The following SCAF11 variants were observed in gnomAD, a reference collection of about 807,000 sequenced individuals.
SCAF11 encodes the protein SR-related CTD associated factor 11.
In SCAF11, 47 loss-of-function variants were observed where a neutral mutation model predicts 140.5. The observed-to-expected ratio is 0.33, with a 90% CI of 0.26 to 0.43. The LOEUF (loss-of-function observed/expected upper bound fraction) is 0.43, where lower values mean the gene tolerates loss of function less well. SCAF11 is among the 20% of genes least tolerant of loss of function. SCAF11 has a pLI of 1.00. For missense variants in SCAF11, 1,645 were observed against 1,705.1 expected (o/e 0.96, Z 0.62); for synonymous variants, 557 against 579.4 (o/e 0.96, Z 0.55).
In SCAF11 at chr12:45,938,713, C is replaced by T. The variant is rs749012969; in HGVS notation, c.464-4208G>A. Among the ~76,000 whole-genome samples, 15 of 151,156 alleles carry T rather than the reference C, an allele frequency of 9.9e-5. No homozygotes were observed. In the South Asian group the frequency reaches 1.0e-3, roughly 11 times the overall value. ...TGTTTCATGAAAACATCCTTTTGTA[C>T]GATACAAACAAGTATAATAAAGGCT... On this transcript the variant is annotated intron_variant, in intron 6 of 14. Coordinates refer to ENST00000369367, the MANE Select transcript of SCAF11 (RefSeq NM_004719.3).
At chr12:45,936,147 GT>G (rs1414313412) in intron 6 of SCAF11, among the ~76,000 whole-genome samples, 63 of 140,324 alleles carry the variant, frequency 4.5e-4, no homozygotes, top group Non-Finnish European at 4.9e-4. Flanking sequence ...GGTTTTTTTT[GT>G]TTTTTTTTTT....
At chr12:45,923,222 T>C (rs1592160811) in intron 12 of SCAF11, 68 bp from the exon 13 acceptor site, 25 of 1,333,874 alleles carry the variant, frequency 1.9e-5, no homozygotes, top group Non-Finnish European at 2.6e-5. Flanking sequence ...AGTGATGCAT[T>C]AGAAATAACA....
At chr12:45,973,293 A>G in intron 1 of SCAF11, among the ~76,000 whole-genome samples, 1 of 151,746 alleles carries the variant, frequency 6.6e-6, no homozygotes, top group East Asian at 1.9e-4. Flanking sequence ...AAAAAAAAAT[A>G]TTAAAGGCTT....
At chr12:45,961,896 C>T in intron 2 of SCAF11, 39 bp from the exon 3 acceptor site, 1 of 1,534,416 alleles carries the variant, frequency 6.5e-7, no homozygotes. Context: ...TTCAAGTTCT[C>T]CAGACCAAAA....
At position 45,990,518 on chromosome 12, in the gene SCAF11, C is replaced by T; in HGVS notation, c.-187G>A. 8.1e-7 allele frequency: 1 copy of T among 1,231,920 alleles called. No homozygotes were observed. Among genetic ancestry groups the T allele is most frequent in the Non-Finnish European group, 1.0e-6 (1 of 988,194 alleles). 76.3% of individuals were successfully genotyped at this position (1,231,920 alleles called of 1,614,324 possible). On this transcript the variant is annotated 5_prime_UTR_variant, in exon 1 of 15. Transcript: ENST00000369367. ...CGCTGGCTCGGTCCGGAGGCGGCGG[C>T]GAAGCAGGGAGCGACCCAGGTTGCG...
chr12:45,945,106 A>G (rs1254840547), intron 6 of SCAF11, 143 bp downstream of exon 6: 1 of 624,614 alleles, frequency 1.6e-6, no homozygotes, highest in Non-Finnish European at 2.8e-6. Context: ...TGAAAACAAA[A>G]TTTATGTAGG....
chr12:45,953,922 C>A, intron 3 of SCAF11: 3 of 906,128 alleles, frequency 3.3e-6, no homozygotes, highest in South Asian at 2.0e-5. Context: ...GTTTTAGTAA[C>A]AAAAAAACTT....
Position 45,961,700 on chromosome 12 carries a change from C to T in SCAF11, c.219G>A (p.Glu73=). 6.2e-7 allele frequency: 1 copy of T among 1,608,818 alleles called. No individual in the cohort carries two copies. The change falls in exon 3 of 15, where the codon GAG becomes GAA. Residue 73 remains glutamate (E), a splice_region_variant and synonymous_variant. Transcript: ENST00000369367. ...FCMTCILKWA[E]TLASCPIDRK... ...AAATACATTAATGTGTCAGACTTACCTCTGCCCATTTAAGAATACAAGTCA... is the reference window on the plus strand; with the variant it reads ...AAATACATTAATGTGTCAGACTTACTTCTGCCCATTTAAGAATACAAGTCA...
chr12:45,978,092 G>A (rs748567044), intron 1 of SCAF11, among the ~76,000 whole-genome samples: 1 of 152,128 alleles, frequency 6.6e-6, no homozygotes, highest in Non-Finnish European at 1.5e-5. Context: ...TGCCTTTTAT[G>A]TGCCTGGATA....
At chr12:45,972,106 C>T (rs1946086609) in intron 1 of SCAF11, among the ~76,000 whole-genome samples, 1 of 152,104 alleles carries the variant, frequency 6.6e-6, no homozygotes, top group African/African-American at 2.4e-5. Flanking sequence ...ACTCTGAAAA[C>T]TGAAATATAA....
intron 1 of SCAF11, among the ~76,000 whole-genome samples, chr12:45,970,561 G>A (rs1946049638): frequency 6.6e-6 from 1 of 152,194 alleles, no homozygotes; most frequent in Non-Finnish European, 1.5e-5. Context: ...CTTATGCCAA[G>A]GGCATACCAG....
intron 4 of SCAF11, 82 bp downstream of exon 4, chr12:45,951,568 A>G: frequency 1.1e-6 from 1 of 905,020 alleles, no homozygotes; most frequent in East Asian, 2.5e-5. Context: ...AACAATTTTC[A>G]AATATACACA....
At chr12:45,948,315 G>GT (rs1433062609) in intron 5 of SCAF11, 122 bp downstream of exon 5, 1 of 639,384 alleles carries the variant, frequency 1.6e-6, no homozygotes, top group African/African-American at 1.9e-5. Context: ...ATTATCAAGT[G>GT]TGTGCTTTTG....
At chr12:45,988,176 A>G (rs1946504537) in intron 1 of SCAF11, among the ~76,000 whole-genome samples, 2 of 152,220 alleles carry the variant, frequency 1.3e-5, no homozygotes, top group African/African-American at 4.8e-5. Context: ...AAGGTAAGTC[A>G]AGGTACAATT....
chr12:45,940,227 G>T (rs1945265668), intron 6 of SCAF11, among the ~76,000 whole-genome samples: 1 of 152,136 alleles, frequency 6.6e-6, no homozygotes, highest in African/African-American at 2.4e-5. Flanking sequence ...TATGATTTAT[G>T]ACCTTTAACC....
intron 3 of SCAF11, 107 bp downstream of exon 3, chr12:45,961,593 G>C: frequency 1.1e-6 from 1 of 948,804 alleles, no homozygotes. Context: ...GTCCAAAGTA[G>C]GAAGAAAATA....
At chr12:45,938,156 C>T (rs1945212059) in intron 6 of SCAF11, among the ~76,000 whole-genome samples, 1 of 152,134 alleles carries the variant, frequency 6.6e-6, no homozygotes, top group East Asian at 1.9e-4. Context: ...CCCCTCTCTC[C>T]AGCTTTCTTG....
At position 45,990,521 on chromosome 12, in the gene SCAF11, A is replaced by G; in HGVS notation, c.-190T>C. The G allele has an allele frequency of 8.1e-7, 1 of 1,231,916 alleles. No individual in the cohort carries two copies. The highest frequency in any genetic ancestry group is 1.0e-6 in the Non-Finnish European group (1 of 988,194). 76.3% of individuals were successfully genotyped at this position (1,231,916 alleles called of 1,614,324 possible). ...TGGCTCGGTCCGGAGGCGGCGGCGA[A>G]GCAGGGAGCGACCCAGGTTGCGCTG... On this transcript the variant is annotated 5_prime_UTR_variant, in exon 1 of 15. Coordinates refer to ENST00000369367, the MANE Select transcript of SCAF11 (RefSeq NM_004719.3).
intron 4 of SCAF11, among the ~76,000 whole-genome samples, chr12:45,950,175 G>A (rs1473614464): frequency 4.6e-5 from 7 of 152,114 alleles, no homozygotes. Flanking sequence ...CCTTGGTGAG[G>A]GTAGTGTTTG....
Sources: allele counts gnomAD v4.1 joint callset (sites outside exome capture counted in the v4.1 genomes callset), GRCh38; gene constraint gnomAD v4.1.1; transcripts MANE v1.5; gene names NCBI Gene and HGNC (gene_info 2026-07-23, HGNC 2026-07-21).